Variants in TRIM66 observed in about 807,000 individuals in gnomAD.
TRIM66 encodes tripartite motif-containing protein 66.
A neutral mutation model predicts 148.2 loss-of-function variants in TRIM66; 99 were observed. That is an observed-to-expected ratio of 0.67 (90% CI 0.57 to 0.79). TRIM66 has a LOEUF of 0.79. Ranked by LOEUF, TRIM66 falls within the 30% of genes least tolerant of loss-of-function variation. The pLI, the probability that TRIM66 is intolerant of heterozygous loss-of-function variation, is 0.00. For synonymous variants in TRIM66, 616 were observed against 635.9 expected, an observed-to-expected ratio of 0.97 and a Z score of 0.47; for missense variants, 1,666 against 1,697.9, an observed-to-expected ratio of 0.98 and a Z score of 0.33.
rs1286577584 is a variant in TRIM66 at position 8,612,417 on chromosome 11, G to A, written c.*5527C>T. On this transcript the variant is annotated 3_prime_UTR_variant, in exon 25 of 25. Transcript: ENST00000646038. ...TAATTAACATCTTTACAGCTGGAGA[G>A]CTGAGAGATCACTGTTCTCAGCCAT... 6.6e-6 allele frequency: 1 copy of A among 152,194 alleles called. No homozygotes were observed. The highest frequency in any genetic ancestry group is 2.4e-5 in the African/African-American group (1 of 41,432). The allele number at this position is 152,194 out of a possible 1,614,324, so 9.4% of individuals were successfully genotyped here.
intron 23 of TRIM66, 173 bp downstream of exon 23, chr11:8,619,210 C>T: frequency 1.2e-6 from 1 of 826,516 alleles, no homozygotes; most frequent in Admixed American, 2.9e-5. Context: ...TGAGTCCATG[C>T]TAAGGCCTGA....
intron 13 of TRIM66, among the ~76,000 whole-genome samples, chr11:8,641,652 A>G (rs1451332729): frequency 1.3e-5 from 2 of 152,106 alleles, no homozygotes; most frequent in African/African-American, 4.8e-5. Context: ...ATACCAGGTG[A>G]TACAGTTTGG....
chr11:8,672,089 G>A lies in TRIM66; in HGVS notation c.37C>T (p.Leu13=). Residue 13 remains leucine, a synonymous_variant, in exon 6 of 25, where the codon CTG becomes TTG. Transcript: ENST00000646038. ...GAGAAGCAGCGTGTAGAGCGAGCCAGCTCCACTCCCTGTAAGTGAAGCACA... is the reference window on the plus strand; with the variant it reads ...GAGAAGCAGCGTGTAGAGCGAGCCAACTCCACTCCCTGTAAGTGAAGCACA... ...RLSFWSQGVE[L]ARSTRCFSPE... is the part of the protein sequence containing the mutation. 6.5e-7 allele frequency: 1 copy of A among 1,532,682 alleles called. No individual in the cohort carries two copies. The highest frequency in any genetic ancestry group is 8.7e-7 in the Non-Finnish European group (1 of 1,145,140). 94.9% of individuals were successfully genotyped at this position (1,532,682 alleles called of 1,614,324 possible). A position where few individuals can be genotyped will look rare whatever the true frequency, so the allele number is the denominator to read the frequency against.
intron 1 of TRIM66, among the ~76,000 whole-genome samples, chr11:8,681,905 A>C (rs994120500): frequency 1.1e-4 from 16 of 152,262 alleles, no homozygotes; most frequent in African/African-American, 3.4e-4. Context: ...GAGAAAATTC[A>C]AAAATAGCAT....
At chr11:8,629,492 G>A (rs553883138) in intron 15 of TRIM66, among the ~76,000 whole-genome samples, 25 of 152,302 alleles carry the variant, frequency 1.6e-4, no homozygotes, top group South Asian at 4.1e-4. Flanking sequence ...GGTGCCATAC[G>A]TCACAAGATA....
At position 8,640,686 on chromosome 11, in the gene TRIM66, AT is replaced by A; in HGVS notation, c.1688del (p.Asp563ValfsTer27). 1.9e-6 allele frequency: 3 copies of A among 1,551,626 alleles called. No individual in the cohort carries two copies. The highest frequency in any genetic ancestry group is 2.6e-6 in the Non-Finnish European group (3 of 1,146,972). Reference sequence around the variant, plus strand: ...GCTGGGCATGGGCTCCTTGCTGAACATCCTGTGGGGGGACAATGCACACGGG... The same window carrying A: ...GCTGGGCATGGGCTCCTTGCTGAACACCTGTGGGGGGACAATGCACACGGG... ...SQPVCIVPPQ[D>X]VQQGAHAQPT... On this transcript the variant is annotated frameshift_variant, in exon 14 of 25. Coordinates refer to ENST00000646038, the MANE Select transcript of TRIM66 (RefSeq NM_001388022.1). LOFTEE classifies it high-confidence loss of function.
At chr11:8,641,300 G>GA in intron 13 of TRIM66, 148 bp from the exon 14 acceptor site, 1 of 728,474 alleles carries the variant, frequency 1.4e-6, no homozygotes, top group Non-Finnish European at 2.2e-6. Context: ...TCCTAGACTC[G>GA]GTCTAGAATG....
At chr11:8,673,912 C>A (rs540872800) in intron 4 of TRIM66, among the ~76,000 whole-genome samples, 1 of 152,336 alleles carries the variant, frequency 6.6e-6, no homozygotes, top group South Asian at 2.1e-4. Context: ...GCCAAGCCTT[C>A]AGGAAGGAGG....
rs1027891999 is a variant in TRIM66 at position 8,621,192 on chromosome 11, T to C, written c.3385A>G (p.Ile1129Val). Residue 1129 changes from isoleucine to valine, a missense_variant, in exon 20 of 25, where the codon ATT becomes GTT. Transcript: ENST00000646038. Reference protein sequence around the residue: ...EGTSPEEHRLIPRTPGAKKGP... With the variant: ...EGTSPEEHRLVPRTPGAKKGP... Reference sequence around the variant, plus strand: ...TTCTTGGCTCCTGGGGTTCGAGGAATGAGTCTGTGTTCTTCAGGAGATGTG... The same window carrying C: ...TTCTTGGCTCCTGGGGTTCGAGGAACGAGTCTGTGTTCTTCAGGAGATGTG... The C allele has an allele frequency of 3.2e-6, 5 of 1,551,582 alleles. No homozygotes were observed. Among genetic ancestry groups the C allele is most frequent in the African/African-American group, 1.4e-5 (1 of 73,050 alleles).
chr11:8,674,446 C>G (rs539847443), intron 4 of TRIM66, among the ~76,000 whole-genome samples: 83 of 152,210 alleles, frequency 5.5e-4, no homozygotes, highest in African/African-American at 1.9e-3. Flanking sequence ...GGCAGTCGTG[C>G]GAAGTTCACT....
rs1477656113 is a variant in TRIM66, at chr11:8,615,721, C to T, written c.*2223G>A. 1 of 152,124 alleles carries T rather than the reference C, an allele frequency of 6.6e-6. No homozygotes were observed. The highest frequency in any genetic ancestry group is 1.9e-4 in the East Asian group (1 of 5,196). The allele number at this position is 152,124 out of a possible 1,614,324, so 9.4% of individuals were successfully genotyped here. ...GTCTCTCTAGCACATTACTAAGACC[C>T]CCTCTGGCCCAGCAAGCTGATCCGT... On this transcript the variant is annotated 3_prime_UTR_variant, in exon 25 of 25. Coordinates refer to ENST00000646038, the MANE Select transcript of TRIM66 (RefSeq NM_001388022.1).
chr11:8,633,897 A>G (rs2035639252), intron 15 of TRIM66, among the ~76,000 whole-genome samples: 1 of 152,172 alleles, frequency 6.6e-6, no homozygotes, highest in Non-Finnish European at 1.5e-5. Flanking sequence ...AAATGCTTTG[A>G]TAATGGTATA....
At chr11:8,628,636 A>AAAAAAGAG (rs1555042270) in intron 15 of TRIM66, among the ~76,000 whole-genome samples, 2 of 93,316 alleles carry the variant, frequency 2.1e-5, no homozygotes, top group Non-Finnish European at 4.7e-5. Context: ...AAAAAAAAAA[A>AAAAAAGAG]AGAGAGAGAA....
In TRIM66 at chr11:8,621,081, T is replaced by A; in HGVS notation, c.3496A>T (p.Lys1166Ter). 1 of 1,551,694 alleles carries A rather than the reference T, an allele frequency of 6.4e-7. No individual in the cohort carries two copies. The highest frequency in any genetic ancestry group is 1.7e-4 in the Middle Eastern group (1 of 5,992). Residue 1166 changes from lysine to a stop codon, truncating the protein, a stop_gained, in exon 20 of 25, where the codon AAA (lysine) becomes TAA (stop). Coordinates refer to ENST00000646038, the MANE Select transcript of TRIM66 (RefSeq NM_001388022.1). LOFTEE classifies it high-confidence loss of function. Reference protein sequence around the residue: ...GELLCCDRCPKVFHLSCHVPA... With the variant: ...GELLCCDRCP ...ACATGGCAGGAGAGGTGGAACACTT[T>A]GGGGCAGCGGTCACAGCACAGTAAC...
At chr11:8,649,154 C>G (rs1430423723) in intron 8 of TRIM66, among the ~76,000 whole-genome samples, 1 of 152,230 alleles carries the variant, frequency 6.6e-6, no homozygotes, top group African/African-American at 2.4e-5. Flanking sequence ...GCCTGGCCAA[C>G]ATGGCGAAAC....
chr11:8,636,759 T>C (rs1375065677), intron 15 of TRIM66, among the ~76,000 whole-genome samples: 6 of 152,204 alleles, frequency 3.9e-5, no homozygotes, highest in Non-Finnish European at 8.8e-5. Context: ...ACAGCTAAAG[T>C]GGTCTTTCAA....
intron 15 of TRIM66, among the ~76,000 whole-genome samples, chr11:8,625,962 A>C (rs1227973160): frequency 2.6e-5 from 4 of 152,236 alleles, no homozygotes; most frequent in Non-Finnish European, 4.4e-5. Flanking sequence ...TCCAAACCAG[A>C]GGCAGAGAAC....
intron 6 of TRIM66, among the ~76,000 whole-genome samples, chr11:8,670,290 G>C (rs1313107423): frequency 1.3e-5 from 2 of 152,142 alleles, no homozygotes; most frequent in African/African-American, 4.8e-5. Flanking sequence ...GGGATTATAG[G>C]CGTGAGCCAC....
chr11:8,617,949 C>G lies in TRIM66; in HGVS notation c.4174G>C (p.Val1392Leu). The G allele has an allele frequency of 6.4e-7, 1 of 1,551,692 alleles. No individual in the cohort carries two copies. The highest frequency in any genetic ancestry group is 1.2e-5 in the South Asian group (1 of 84,060). The stretch of plus-strand genomic sequence containing the variant: ...GCCCAGTCTCCTTTTGGCTCTCACA[C>G]CTGAGAGATGCTGTTGGCCAGGCGA... ...SFRLANSISQ[V>L] Residue 1392 changes from valine (V) to leucine (L), a missense_variant, in exon 25 of 25, where the codon GTG becomes CTG. Val to Leu is a conservative substitution (Grantham distance 32, BLOSUM62 1). This residue lies in a region of TRIM66 where 204 missense variants were observed against 231.0 expected (regional missense o/e 0.88). Coordinates refer to ENST00000646038, the MANE Select transcript of TRIM66 (RefSeq NM_001388022.1).
Sources: allele counts gnomAD v4.1 joint callset (sites outside exome capture counted in the v4.1 genomes callset), GRCh38; gene constraint gnomAD v4.1.1; regional missense constraint gnomAD v4.1.1; transcripts MANE v1.5; gene names NCBI Gene and HGNC (gene_info 2026-07-23, HGNC 2026-07-21).